Variants in TRIO observed in about 807,000 individuals in gnomAD.
TRIO encodes the protein triple functional domain protein.
A neutral mutation model predicts 351.9 loss-of-function variants in TRIO; 58 were observed. The ratio of observed to expected loss-of-function variants is 0.16; its 90% confidence interval spans 0.13 to 0.21. TRIO has a LOEUF of 0.21. Ranked by LOEUF, TRIO falls within the 10% of genes least tolerant of loss-of-function variation. TRIO has a pLI of 1.00. For synonymous variants in TRIO, 1,758 were observed against 1,595.7 expected (o/e 1.10, Z -2.42); for missense variants, 3,201 against 4,027.8 (o/e 0.79, Z 5.56).
chr5:14,393,816 C>A (rs1349918611), intron 27 of TRIO, among the ~76,000 whole-genome samples: 1 of 152,190 alleles, frequency 6.6e-6, no homozygotes, highest in East Asian at 1.9e-4. Context: ...TAAGGTAGAT[C>A]CTCCTGCTCC....
At chr5:14,233,333 A>AT (rs1481027787) in intron 1 of TRIO, among the ~76,000 whole-genome samples, 1 of 150,556 alleles carries the variant, frequency 6.6e-6, no homozygotes, top group Non-Finnish European at 1.5e-5. Flanking sequence ...AAAAAAAAAA[A>AT]AAAAAAATTA....
At chr5:14,157,089 G>T (rs139970214) in intron 1 of TRIO, among the ~76,000 whole-genome samples, 1 of 150,780 alleles carries the variant, frequency 6.6e-6, no homozygotes, top group Non-Finnish European at 1.5e-5. Context: ...AGGATGGGTC[G>T]AGCGGACCTT....
chr5:14,498,789 T>A lies in TRIO; in HGVS notation c.8332+149T>A, dbSNP rs1757077172. On this transcript the variant is annotated intron_variant, in intron 53 of 56. Coordinates refer to ENST00000344204, the MANE Select transcript of TRIO (RefSeq NM_007118.4). ...TGGGGCTTCAAAAGACAGTTGTAAG[T>A]AGCAGACCAGAGTGTCTGGGATGTC... 6 of 1,247,070 alleles carry A rather than the reference T, an allele frequency of 4.8e-6. No individual in the cohort carries two copies. In the East Asian group the frequency reaches 1.2e-4, roughly 25 times the overall value. The allele number at this position is 1,247,070 out of a possible 1,614,324, so 77.3% of individuals were successfully genotyped here.
chr5:14,485,468 G>A (rs570829454), intron 47 of TRIO, among the ~76,000 whole-genome samples: 2 of 152,260 alleles, frequency 1.3e-5, no homozygotes, highest in East Asian at 3.9e-4. Context: ...GGCACTGAGC[G>A]GCTGAGTAAT....
intron 10 of TRIO, among the ~76,000 whole-genome samples, chr5:14,331,864 G>A (rs575491938): frequency 6.6e-6 from 1 of 152,302 alleles, no homozygotes; most frequent in South Asian, 2.1e-4. Flanking sequence ...TAATTGATGT[G>A]TATGTGTGGT....
intron 34 of TRIO, among the ~76,000 whole-genome samples, chr5:14,437,686 A>C (rs187186): frequency 0.054 from 5,139 of 95,470 alleles, 218 homozygotes; most frequent in Middle Eastern, 0.094. Flanking sequence ...GATGAGGACC[A>C]CCCCCCCCGC....
chr5:14,496,757 G>A (rs1222623464), intron 49 of TRIO, 122 bp from the exon 50 acceptor site: 1 of 1,312,350 alleles, frequency 7.6e-7, no homozygotes, highest in Non-Finnish European at 1.0e-6. Flanking sequence ...ACAGTTCGTA[G>A]AGGATTTCCC....
At chr5:14,406,459 G>T in intron 32 of TRIO, 114 bp from the exon 33 acceptor site, 2 of 949,844 alleles carry the variant, frequency 2.1e-6, no homozygotes. Context: ...CCGCATCCTG[G>T]CAGCAGCAGG....
intron 46 of TRIO, 131 bp from the exon 47 acceptor site, chr5:14,484,938 C>A (rs1755806729): frequency 2.2e-6 from 2 of 905,326 alleles, no homozygotes; most frequent in African/African-American, 3.4e-5. Flanking sequence ...GTCGGAATTT[C>A]TTTCCTCATT....
intron 1 of TRIO, among the ~76,000 whole-genome samples, chr5:14,226,666 A>G (rs354311): frequency 0.81 from 123,868 of 152,254 alleles, 50,889 homozygotes; most frequent in East Asian, 0.99. Context: ...ATAGTTTAAC[A>G]TTGTCCCTGA....
chr5:14,315,808 C>T (rs1739335469), intron 8 of TRIO, among the ~76,000 whole-genome samples: 1 of 152,166 alleles, frequency 6.6e-6, no homozygotes. Flanking sequence ...TGCACCCTCA[C>T]CTTTTCTTAT....
intron 46 of TRIO, among the ~76,000 whole-genome samples, chr5:14,483,819 G>C (rs1008410719): frequency 6.6e-6 from 1 of 152,204 alleles, no homozygotes; most frequent in Non-Finnish European, 1.5e-5. Flanking sequence ...GTCAGGCACA[G>C]ACCCTCTGGG....
At chr5:14,454,962 G>A (rs191488981) in intron 34 of TRIO, among the ~76,000 whole-genome samples, 11 of 149,520 alleles carry the variant, frequency 7.4e-5, no homozygotes, top group South Asian at 6.5e-4. Context: ...GTGTTACAGC[G>A]CTTAAGGTGG....
At chr5:14,281,621 G>C (rs1440351382) in intron 3 of TRIO, among the ~76,000 whole-genome samples, 1 of 152,142 alleles carries the variant, frequency 6.6e-6, no homozygotes, top group African/African-American at 2.4e-5. Context: ...GTCATGCCTG[G>C]AATAGGAGAT....
chr5:14,167,701 T>C (rs1788853784), intron 1 of TRIO, among the ~76,000 whole-genome samples: 1 of 152,010 alleles, frequency 6.6e-6, no homozygotes, highest in Non-Finnish European at 1.5e-5. Flanking sequence ...GATCCGGGGA[T>C]AGGTGTGAGT....
chr5:14,489,536 G>T (rs1233986460), intron 48 of TRIO, among the ~76,000 whole-genome samples: 1 of 152,234 alleles, frequency 6.6e-6, no homozygotes, highest in Non-Finnish European at 1.5e-5. Context: ...TGGATACTCA[G>T]TATCCAGGTG....
At chr5:14,315,740 A>G (rs1015730257) in intron 8 of TRIO, among the ~76,000 whole-genome samples, 2 of 152,206 alleles carry the variant, frequency 1.3e-5, no homozygotes, top group East Asian at 1.9e-4. Context: ...TTAATTACTC[A>G]TAAGTCTTAT....
intron 34 of TRIO, among the ~76,000 whole-genome samples, chr5:14,427,196 C>T (rs1482992484): frequency 6.6e-6 from 1 of 152,154 alleles, no homozygotes; most frequent in Non-Finnish European, 1.5e-5. Flanking sequence ...TCACCCCACC[C>T]CTTTCTGCAG....
chr5:14,318,756 T>C (rs375195884), intron 9 of TRIO, among the ~76,000 whole-genome samples: 2 of 152,212 alleles, frequency 1.3e-5, no homozygotes, highest in East Asian at 3.8e-4. Context: ...TCCAAAAACT[T>C]CTACAAACCA....
Sources: gnomAD v4.1 joint callset for allele counts (sites outside exome capture counted in the v4.1 genomes callset) on GRCh38, gnomAD v4.1.1 for gene constraint, MANE v1.5 for transcripts, NCBI Gene and HGNC (gene_info 2026-07-23, HGNC 2026-07-21) for gene names.